The following AP3M1 variants were observed in gnomAD, a reference collection of about 807,000 sequenced individuals.
AP3M1 encodes the protein AP-3 complex subunit mu-1.
In AP3M1, 29 loss-of-function variants were observed where a neutral mutation model predicts 42.6. The observed-to-expected ratio is 0.68, with a 90% CI of 0.51 to 0.93. The LOEUF is 0.93. Among genes scored for constraint, AP3M1 ranks in the 40% least tolerant of loss-of-function variants. AP3M1 has a pLI of 0.00. For missense variants in AP3M1, 416 were observed against 510.2 expected, an observed-to-expected ratio of 0.82 and a Z score of 1.78; for synonymous variants, 178 against 175.3, an observed-to-expected ratio of 1.02 and a Z score of -0.12.
chr10:74,131,090 C>T (rs894243177), intron 4 of AP3M1, among the ~76,000 whole-genome samples: 8 of 152,014 alleles, frequency 5.3e-5, no homozygotes, highest in African/African-American at 1.4e-4. Context: ...ACAGCCTGGG[C>T]GACAATGTGA....
chr10:74,131,740 C>G (rs1444078138), intron 4 of AP3M1, among the ~76,000 whole-genome samples: 4 of 151,592 alleles, frequency 2.6e-5, no homozygotes, highest in Non-Finnish European at 5.9e-5. Flanking sequence ...TGGGGTCTTG[C>G]TATGTTGCCT....
rs1840702677 is a variant in AP3M1, at chr10:74,129,161, AAAT to A, written c.747_749del (p.Phe250del). The A allele has an allele frequency of 6.2e-7, 1 of 1,614,080 alleles. No homozygotes were observed. Among genetic ancestry groups the A allele is most frequent in the African/African-American group, 1.3e-5 (1 of 74,946 alleles). ...GTCGGAAATTTCCATCTGGAGGAAT[AAAT>A]GACAAAACTCTTTCAGATTCCCAAC... is the stretch of plus-strand genomic sequence containing the variant. On this transcript the variant is annotated inframe_deletion, in exon 6 of 9. Coordinates refer to ENST00000355264, the MANE Select transcript of AP3M1 (RefSeq NM_012095.6).
intron 3 of AP3M1, among the ~76,000 whole-genome samples, chr10:74,135,074 T>C (rs78047604): frequency 1.3e-5 from 2 of 152,230 alleles, no homozygotes; most frequent in Non-Finnish European, 1.5e-5. Flanking sequence ...AGTCTACTTA[T>C]GATTGGTGTT....
chr10:74,139,619 TAAAAA>T (rs1393414476), intron 1 of AP3M1, among the ~76,000 whole-genome samples: 1 of 104,604 alleles, frequency 9.6e-6, no homozygotes. Flanking sequence ...CTGTCTCTAC[TAAAAA>T]AAAAAAAAAA....
At chr10:74,137,823 A>AT (rs1339114970) in intron 2 of AP3M1, among the ~76,000 whole-genome samples, 1 of 152,138 alleles carries the variant, frequency 6.6e-6, no homozygotes, top group African/African-American at 2.4e-5. Flanking sequence ...GTTCAGTTCG[A>AT]TTTTTTTGTT....
chr10:74,146,340 T>A (rs1308177826), intron 1 of AP3M1, among the ~76,000 whole-genome samples: 5 of 152,212 alleles, frequency 3.3e-5, no homozygotes, highest in Non-Finnish European at 7.3e-5. Flanking sequence ...ATTTTATAAT[T>A]TTTTTAATTA....
chr10:74,123,620 C>CT lies in AP3M1; in HGVS notation c.*189dup, dbSNP rs1008683575. 1.4e-4 allele frequency: 84 copies of CT among 580,574 alleles called. No homozygotes were observed. Among genetic ancestry groups the CT allele is most frequent in the Non-Finnish European group, 2.0e-4 (66 of 326,386 alleles). The allele number at this position is 580,574 out of a possible 1,614,324, so 36.0% of individuals were successfully genotyped here. A position where few individuals can be genotyped will look rare whatever the true frequency, so the allele number is the denominator to read the frequency against. ...AAAAGATACAAAATAAGCTAAGTCA[C>CT]TAAAAGGTTTCCTTAGCTTAAAGCT... On this transcript the variant is annotated 3_prime_UTR_variant, in exon 9 of 9. Coordinates refer to ENST00000355264, the MANE Select transcript of AP3M1 (RefSeq NM_012095.6).
At chr10:74,137,957 T>C (rs1234547025) in intron 2 of AP3M1, 150 bp downstream of exon 2, 3 of 779,232 alleles carry the variant, frequency 3.8e-6, no homozygotes, top group African/African-American at 3.5e-5. Flanking sequence ...TGTAACTGTA[T>C]ACCACACAGA....
intron 1 of AP3M1, among the ~76,000 whole-genome samples, chr10:74,149,567 C>T (rs1428193578): frequency 1.3e-5 from 2 of 151,858 alleles, no homozygotes; most frequent in Non-Finnish European, 2.9e-5. Context: ...AGATTACAGG[C>T]GTGAGCCACC....
chr10:74,132,677 A>C (rs1240390506), intron 4 of AP3M1, among the ~76,000 whole-genome samples: 2 of 151,602 alleles, frequency 1.3e-5, no homozygotes, highest in Non-Finnish European at 2.9e-5. Flanking sequence ...GCGCCAATGC[A>C]CTCCAGCCTA....
intron 1 of AP3M1, among the ~76,000 whole-genome samples, chr10:74,141,695 T>C (rs1459157351): frequency 1.3e-5 from 2 of 151,574 alleles, no homozygotes; most frequent in Non-Finnish European, 1.5e-5. Context: ...TGGTAATGTT[T>C]TATTTCTTTT....
intron 3 of AP3M1, among the ~76,000 whole-genome samples, chr10:74,134,830 G>C (rs1840893600): frequency 6.6e-6 from 1 of 152,132 alleles, no homozygotes; most frequent in African/African-American, 2.4e-5. Context: ...AAAAGGTAGA[G>C]TTCAGAGAAG....
rs979933822 is a variant in AP3M1, at chr10:74,120,960, G to A, written c.*2850C>T. 4.6e-5 allele frequency: 7 copies of A among 152,368 alleles called. No homozygotes were observed. The highest frequency in any genetic ancestry group is 2.1e-4 in the South Asian group (1 of 4,830). 9.4% of individuals were successfully genotyped at this position (152,368 alleles called of 1,614,324 possible). On this transcript the variant is annotated 3_prime_UTR_variant, in exon 9 of 9. Coordinates refer to ENST00000355264, the MANE Select transcript of AP3M1 (RefSeq NM_012095.6). The stretch of plus-strand genomic sequence containing the variant: ...AGAAACACTGACTAAAATAGTAGGA[G>A]CAGGTTTTTAGAGTAGAGTTGGGAC...
chr10:74,121,368 C>T lies in AP3M1; in HGVS notation c.*2442G>A, dbSNP rs928278135. 1 of 152,190 alleles carries T rather than the reference C, an allele frequency of 6.6e-6. No homozygotes were observed. Among genetic ancestry groups the T allele is most frequent in the Admixed American group, 6.5e-5 (1 of 15,282 alleles). The allele number at this position is 152,190 out of a possible 1,614,324, so 9.4% of individuals were successfully genotyped here. A position where few individuals can be genotyped will look rare whatever the true frequency, so the allele number is the denominator to read the frequency against. ...ATAAAATGATGGTGACTCCCACACGCAGGAAAGAATCATTTACTTCATTTG... is the reference window on the plus strand; with the variant it reads ...ATAAAATGATGGTGACTCCCACACGTAGGAAAGAATCATTTACTTCATTTG... On this transcript the variant is annotated 3_prime_UTR_variant, in exon 9 of 9. Coordinates refer to ENST00000355264, the MANE Select transcript of AP3M1 (RefSeq NM_012095.6).
At chr10:74,147,427 T>A (rs1481073939) in intron 1 of AP3M1, among the ~76,000 whole-genome samples, 1 of 152,186 alleles carries the variant, frequency 6.6e-6, no homozygotes, top group African/African-American at 2.4e-5. Context: ...CATAAAACTT[T>A]TTATTATTCT....
At chr10:74,127,173 G>A (rs1001971386) in intron 6 of AP3M1, among the ~76,000 whole-genome samples, 1 of 151,928 alleles carries the variant, frequency 6.6e-6, no homozygotes, top group African/African-American at 2.4e-5. Context: ...TAAGGGACTC[G>A]AGCATCTGCT....
chr10:74,134,786 C>T (rs955614620), intron 3 of AP3M1, among the ~76,000 whole-genome samples: 10 of 152,112 alleles, frequency 6.6e-5, no homozygotes, highest in African/African-American at 2.4e-4. Flanking sequence ...ATTTATATTT[C>T]CCATTCGAAA....
intron 1 of AP3M1, among the ~76,000 whole-genome samples, chr10:74,139,633 AAAG>A (rs1192666268): frequency 3.3e-5 from 5 of 151,250 alleles, no homozygotes; most frequent in Non-Finnish European, 5.9e-5. Context: ...AAAAAAAAAA[AAAG>A]GCCAGGCGCG....
At chr10:74,149,280 T>G (rs1841444446) in intron 1 of AP3M1, among the ~76,000 whole-genome samples, 1 of 80,196 alleles carries the variant, frequency 1.2e-5, no homozygotes, top group Non-Finnish European at 2.2e-5. Flanking sequence ...TTTTTTTTTT[T>G]TTTTTTTTTT....
Sources: allele counts gnomAD v4.1 joint callset (sites outside exome capture counted in the v4.1 genomes callset), GRCh38; gene constraint gnomAD v4.1.1; transcripts MANE v1.5; gene names NCBI Gene and HGNC (gene_info 2026-07-23, HGNC 2026-07-21).